Variants in TSPAN15 observed in about 807,000 individuals in gnomAD.
The protein encoded by TSPAN15 is tetraspanin-15.
In TSPAN15, 20 loss-of-function variants were observed where a neutral mutation model predicts 34.5. That is an observed-to-expected ratio of 0.58 (90% CI 0.41 to 0.84). The LOEUF is 0.84. Ranked by LOEUF, TSPAN15 falls within the 40% of genes least tolerant of loss-of-function variation. TSPAN15 has a pLI of 0.00. For missense variants in TSPAN15, 313 were observed against 386.1 expected (o/e 0.81, Z 1.59); for synonymous variants, 155 against 153.9 (o/e 1.01, Z -0.05).
chr10:69,484,678 T>C (rs1358258805), intron 2 of TSPAN15, among the ~76,000 whole-genome samples: 2 of 151,880 alleles, frequency 1.3e-5, no homozygotes, highest in African/African-American at 2.4e-5. Flanking sequence ...GAGGTGGGGG[T>C]GCATATCCTC....
chr10:69,516,450 G>A, the TSPAN15 span, among the ~76,000 whole-genome samples: 1 of 152,238 alleles, frequency 6.6e-6, no homozygotes, highest in Non-Finnish European at 1.5e-5. Flanking sequence ...GTGGCCACCA[G>A]AGGGAGGCCT....
chr10:69,494,310 G>T (rs1467694864), intron 3 of TSPAN15, among the ~76,000 whole-genome samples: 1 of 152,176 alleles, frequency 6.6e-6, no homozygotes, highest in Admixed American at 6.5e-5. Context: ...TAGAGTATTT[G>T]TCTCCTTTAA....
At chr10:69,489,709 A>C (rs1841928556) in intron 3 of TSPAN15, among the ~76,000 whole-genome samples, 2 of 152,204 alleles carry the variant, frequency 1.3e-5, no homozygotes, top group Non-Finnish European at 2.9e-5. Context: ...ACCCCAGGCA[A>C]GATTTCTGCT....
intron 1 of TSPAN15, among the ~76,000 whole-genome samples, chr10:69,452,975 A>T (rs1289354336): frequency 6.6e-6 from 1 of 152,154 alleles, no homozygotes; most frequent in Admixed American, 6.5e-5. Context: ...GTAATCGGAG[A>T]TCCAGATTCA....
the TSPAN15 span, among the ~76,000 whole-genome samples, chr10:69,543,231 C>T: frequency 6.6e-6 from 1 of 152,132 alleles, no homozygotes; most frequent in Non-Finnish European, 1.5e-5. Context: ...ATTTGGTCTC[C>T]ACCACATACA....
intron 1 of TSPAN15, among the ~76,000 whole-genome samples, chr10:69,478,451 T>C (rs1438526383): frequency 6.6e-6 from 1 of 152,142 alleles, no homozygotes; most frequent in African/African-American, 2.4e-5. Flanking sequence ...AATGAAGTGG[T>C]TCTCAGGGCC....
Position 69,506,701 on chromosome 10 carries a change from T to C in TSPAN15, c.736-128T>C. On this transcript the variant is annotated intron_variant, in intron 7 of 7. Transcript: ENST00000373290. This position sits in a 1 kb window ranked among gnomAD's most constrained non-coding sequence, Gnocchi z 4.7. Reference sequence around the variant, plus strand: ...TGCTGGGAGAAGTCTCTGCTGTGGGTGTTGCCCAGGTCACACAGGACCATG... The same window carrying C: ...TGCTGGGAGAAGTCTCTGCTGTGGGCGTTGCCCAGGTCACACAGGACCATG... 1.1e-6 allele frequency: 1 copy of C among 901,632 alleles called. No homozygotes were observed. The highest frequency in any genetic ancestry group is 1.7e-6 in the Non-Finnish European group (1 of 587,280). The allele number at this position is 901,632 out of a possible 1,614,324, so 55.9% of individuals were successfully genotyped here. A position where few individuals can be genotyped will look rare whatever the true frequency, so the allele number is the denominator to read the frequency against.
chr10:69,503,839 A>C (rs866774173), intron 5 of TSPAN15, among the ~76,000 whole-genome samples: 1 of 152,024 alleles, frequency 6.6e-6, no homozygotes, highest in Non-Finnish European at 1.5e-5. Flanking sequence ...GGGTTTGATG[A>C]GGTCTAGGGC....
At chr10:69,539,079 T>C in the TSPAN15 span, among the ~76,000 whole-genome samples, 4 of 152,088 alleles carry the variant, frequency 2.6e-5, no homozygotes. Context: ...GCAAGGACAG[T>C]CTTTTGGAGA....
chr10:69,508,183 C>T (rs1364582852), downstream of TSPAN15, among the ~76,000 whole-genome samples: 1 of 152,044 alleles, frequency 6.6e-6, no homozygotes, highest in Non-Finnish European at 1.5e-5. Flanking sequence ...GTGGCTCACG[C>T]CTGTAACCCC....
the TSPAN15 span, among the ~76,000 whole-genome samples, chr10:69,531,941 A>C: frequency 1.0e-5 from 1 of 98,864 alleles, no homozygotes; most frequent in Non-Finnish European, 2.0e-5. Context: ...AAAACAAAAC[A>C]AAAAAAAAAC....
chr10:69,483,658 G>C, intron 1 of TSPAN15, 33 bp from the exon 2 acceptor site: 2 of 1,598,564 alleles, frequency 1.3e-6, no homozygotes, highest in Non-Finnish European at 1.7e-6. Context: ...AGTGACCTCA[G>C]TCTCTCTCTC....
At chr10:69,500,225 C>T (rs1842176192) in intron 5 of TSPAN15, among the ~76,000 whole-genome samples, 1 of 152,158 alleles carries the variant, frequency 6.6e-6, no homozygotes, top group Admixed American at 6.5e-5. Flanking sequence ...GTGATGCAGC[C>T]TCAGCTCAGT....
the TSPAN15 span, among the ~76,000 whole-genome samples, chr10:69,513,719 A>G: frequency 1.3e-5 from 2 of 152,220 alleles, no homozygotes; most frequent in African/African-American, 2.4e-5. Flanking sequence ...ACGCTCTTAC[A>G]TTTAAGTCAA....
At chr10:69,528,953 C>T in the TSPAN15 span, among the ~76,000 whole-genome samples, 2 of 148,184 alleles carry the variant, frequency 1.3e-5, 1 homozygote, top group East Asian at 5.0e-4. Context: ...GTCCGTGGGA[C>T]CGGCAACCCA....
intron 1 of TSPAN15, among the ~76,000 whole-genome samples, chr10:69,462,410 C>T (rs1841288533): frequency 6.6e-6 from 1 of 152,104 alleles, no homozygotes; most frequent in Non-Finnish European, 1.5e-5. Flanking sequence ...TCTCGGCTCA[C>T]TGCAAACTCC....
intron 1 of TSPAN15, among the ~76,000 whole-genome samples, chr10:69,467,662 ACACACACACAC>A: frequency 6.6e-6 from 1 of 151,984 alleles, no homozygotes; most frequent in Non-Finnish European, 1.5e-5. Flanking sequence ...ACACACACAC[ACACACACACAC>A]ACCTCTTCTT....
intron 1 of TSPAN15, among the ~76,000 whole-genome samples, chr10:69,455,547 TTCTCTC>T (rs1165587609): frequency 7.7e-6 from 1 of 130,364 alleles, no homozygotes; most frequent in Admixed American, 7.7e-5. Flanking sequence ...TCTTTCTTTC[TTCTCTC>T]TCTCTCTTTC....
the TSPAN15 span, among the ~76,000 whole-genome samples, chr10:69,539,476 G>GAAGAAGAAGA: frequency 1.6e-5 from 1 of 62,578 alleles, no homozygotes; most frequent in African/African-American, 5.6e-5. Context: ...GAAGGAGAAG[G>GAAGAAGAAGA]AGAAGGAGAA....
Sources: gnomAD v4.1 joint callset for allele counts (sites outside exome capture counted in the v4.1 genomes callset) on GRCh38, gnomAD v4.1.1 for gene constraint, Gnocchi (gnomAD v3.1) non-coding constraint, MANE v1.5 for transcripts, NCBI Gene and HGNC (gene_info 2026-07-23, HGNC 2026-07-21) for gene names.